NCKAP5: variants seen among roughly 807,000 people sequenced by gnomAD.
NCKAP5 encodes the protein NCK associated protein 5.
A neutral mutation model predicts 167.0 loss-of-function variants in NCKAP5; 92 were observed. The observed-to-expected ratio is 0.55, with a 90% confidence interval of 0.47 to 0.66. The LOEUF (loss-of-function observed/expected upper bound fraction) is 0.66, where lower values mean the gene tolerates loss of function less well. Among genes scored for constraint, NCKAP5 ranks in the 30% least tolerant of loss-of-function variants. The pLI, the probability that NCKAP5 is intolerant of heterozygous loss-of-function variation, is 0.00. For missense variants in NCKAP5, 2,378 were observed against 2,315.0 expected, an observed-to-expected ratio of 1.03 and a Z score of -0.56; for synonymous variants, 891 against 877.4, an observed-to-expected ratio of 1.02 and a Z score of -0.27.
the NCKAP5 span, among the ~76,000 whole-genome samples, chr2:133,587,625 C>T: frequency 2.6e-5 from 4 of 152,272 alleles, no homozygotes; most frequent in African/African-American, 9.6e-5. Context: ...TGGACAACAT[C>T]AATAAAGTGT....
rs144889778 is a variant in NCKAP5 at position 133,021,301 on chromosome 2, G to A, written c.342-27062C>T. On this transcript the variant is annotated intron_variant, in intron 6 of 19. Coordinates refer to ENST00000409261, the MANE Select transcript of NCKAP5 (RefSeq NM_207363.3). ...AAGGAGCGAATCTGGGGATCAGTAG[G>A]AGGAAATTGGATACAGTGGGCCTGG... 4.8e-3 allele frequency among the ~76,000 whole-genome samples: 736 copies of A among 152,296 alleles called. 21 individuals carry two copies. Among genetic ancestry groups the A allele is most frequent in the Admixed American group, 0.042 (649 of 15,296 alleles).
the NCKAP5 span, among the ~76,000 whole-genome samples, chr2:133,669,604 C>T: frequency 8.5e-5 from 13 of 152,248 alleles, 1 homozygote; most frequent in East Asian, 1.2e-3. Context: ...AAAGTCACTA[C>T]TATTACCAAA....
intron 5 of NCKAP5, among the ~76,000 whole-genome samples, chr2:133,212,206 C>G (rs1331398686): frequency 6.6e-6 from 1 of 152,154 alleles, no homozygotes; most frequent in East Asian, 1.9e-4. Flanking sequence ...AAGTGGTGAG[C>G]AGGAGCTAGT....
At chr2:133,542,588 T>C (rs1391493008) in intron 2 of NCKAP5, among the ~76,000 whole-genome samples, 1 of 152,214 alleles carries the variant, frequency 6.6e-6, no homozygotes, top group Non-Finnish European at 1.5e-5. Context: ...GAAATCGCAG[T>C]TCTCCTTTCC....
intron 6 of NCKAP5, among the ~76,000 whole-genome samples, chr2:133,080,050 G>C (rs931908716): frequency 6.6e-6 from 1 of 152,116 alleles, no homozygotes; most frequent in East Asian, 1.9e-4. Flanking sequence ...TAAACAGACA[G>C]TGAATAAATT....
At chr2:133,319,143 A>ACCCC (rs1240090874) in intron 3 of NCKAP5, among the ~76,000 whole-genome samples, 2 of 130,208 alleles carry the variant, frequency 1.5e-5, no homozygotes, top group Non-Finnish European at 1.6e-5. Context: ...TGTGTGAGCC[A>ACCCC]CCCCTCCCCC....
At chr2:133,650,298 C>T in the NCKAP5 span, among the ~76,000 whole-genome samples, 180 of 152,052 alleles carry the variant, frequency 1.2e-3, no homozygotes, top group South Asian at 0.016. Context: ...TCAAAGTGAT[C>T]TACAGATTCA....
At chr2:133,466,349 G>T (rs1692589752) in intron 3 of NCKAP5, among the ~76,000 whole-genome samples, 1 of 150,098 alleles carries the variant, frequency 6.7e-6, no homozygotes, top group South Asian at 2.1e-4. Flanking sequence ...TGAGGGCTCT[G>T]TTCTGTTCCA....
chr2:133,531,546 G>C (rs1044114051), intron 2 of NCKAP5, among the ~76,000 whole-genome samples: 1 of 151,934 alleles, frequency 6.6e-6, no homozygotes, highest in African/African-American at 2.4e-5. Context: ...AAATTGCAAC[G>C]TTTTTGGCTT....
At chr2:133,014,306 T>C (rs2078261997) in intron 6 of NCKAP5, among the ~76,000 whole-genome samples, 1 of 152,196 alleles carries the variant, frequency 6.6e-6, no homozygotes, top group Non-Finnish European at 1.5e-5. Flanking sequence ...TGCCTTTGCT[T>C]TCCTGCCTCC....
intron 9 of NCKAP5, among the ~76,000 whole-genome samples, chr2:132,872,431 T>A (rs192195221): frequency 7.7e-4 from 118 of 152,286 alleles, no homozygotes; most frequent in African/African-American, 2.6e-3. Flanking sequence ...CTCTTGGAAG[T>A]GGGCGAGCAG....
chr2:133,299,486 C>T (rs886357830), intron 4 of NCKAP5, among the ~76,000 whole-genome samples: 3 of 152,138 alleles, frequency 2.0e-5, no homozygotes, highest in Admixed American at 1.3e-4. Context: ...GGGGCTCACA[C>T]CTGTAATCTC....
At chr2:132,892,657 C>T (rs1054817021) in intron 8 of NCKAP5, among the ~76,000 whole-genome samples, 2 of 152,134 alleles carry the variant, frequency 1.3e-5, no homozygotes, top group African/African-American at 4.8e-5. Flanking sequence ...AAAAGAATAT[C>T]AATTAATATA....
intron 11 of NCKAP5, among the ~76,000 whole-genome samples, chr2:132,833,062 T>C (rs1263995446): frequency 6.6e-6 from 1 of 152,158 alleles, no homozygotes; most frequent in African/African-American, 2.4e-5. Flanking sequence ...TTATTAATAA[T>C]AGTAACTAGG....
intron 16 of NCKAP5, among the ~76,000 whole-genome samples, chr2:132,769,760 T>A (rs1681857902): frequency 6.6e-6 from 1 of 152,220 alleles, no homozygotes; most frequent in Non-Finnish European, 1.5e-5. Flanking sequence ...GTATGATTCA[T>A]TTCTCATCAA....
At chr2:133,590,246 T>C in the NCKAP5 span, among the ~76,000 whole-genome samples, 1 of 151,888 alleles carries the variant, frequency 6.6e-6, no homozygotes, top group Admixed American at 6.6e-5. Flanking sequence ...ATTCCAGCAC[T>C]TTGGGAGGCC....
chr2:133,444,900 C>T (rs1691099481), intron 3 of NCKAP5, among the ~76,000 whole-genome samples: 2 of 152,124 alleles, frequency 1.3e-5, no homozygotes, highest in South Asian at 4.1e-4. Context: ...TGGACTGTCG[C>T]CTCCATGTGA....
At chr2:133,176,915 C>T (rs1345077103) in intron 5 of NCKAP5, among the ~76,000 whole-genome samples, 3 of 152,120 alleles carry the variant, frequency 2.0e-5, no homozygotes, top group South Asian at 2.1e-4. Context: ...AAAGCAAATA[C>T]ATTTAATTCC....
rs538813091 is a variant in NCKAP5 at position 133,071,400 on chromosome 2, C to A, written c.341+58578G>T. The stretch of plus-strand genomic sequence containing the variant: ...GCGGAGCTTGCAGTGAGCCGAGATC[C>A]CGCCACTGCACTCCAGCCTGGGCGA... On this transcript the variant is annotated intron_variant, in intron 6 of 19. Transcript: ENST00000409261. Among the ~76,000 whole-genome samples, 15 of 152,142 alleles carry A rather than the reference C, an allele frequency of 9.9e-5. No homozygotes were observed. The South Asian group carries it at 1.5e-3, about 15-fold the overall frequency.
Sources: gnomAD v4.1 joint callset for allele counts (sites outside exome capture counted in the v4.1 genomes callset) on GRCh38, gnomAD v4.1.1 for gene constraint, MANE v1.5 for transcripts, NCBI Gene and HGNC (gene_info 2026-07-23, HGNC 2026-07-21) for gene names.